The following ESF1 variants were observed in gnomAD, a reference collection of about 807,000 sequenced individuals.
The protein encoded by ESF1 is ESF1 homolog.
Under a neutral mutation model 92.0 loss-of-function variants are expected in ESF1, and 58 were observed. That is an observed-to-expected ratio of 0.63 (90% CI 0.51 to 0.78). The LOEUF is 0.78. Ranked by LOEUF, ESF1 falls within the 30% of genes least tolerant of loss-of-function variation. ESF1 has a pLI of 0.00. For synonymous variants in ESF1, 321 were observed against 313.7 expected, an observed-to-expected ratio of 1.02 and a Z score of -0.24; for missense variants, 922 against 989.1, an observed-to-expected ratio of 0.93 and a Z score of 0.91.
chr20:13,776,237 C>A lies in ESF1; in HGVS notation c.671G>T (p.Gly224Val), dbSNP rs754063885. 5.6e-6 allele frequency: 9 copies of A among 1,613,324 alleles called. No individual in the cohort carries two copies. Among genetic ancestry groups the A allele is most frequent in the Non-Finnish European group, 7.6e-6 (9 of 1,179,774 alleles). ...VQLIMTRDSD[G>V]YENSTDGEMC... is the part of the protein sequence containing the mutation. ...TTCACCATCTGTTGAGTTTTCATAA[C>A]CATCACTGTCTCTTGTCATTATGAG... is the stretch of plus-strand genomic sequence containing the variant. Residue 224 changes from glycine to valine, a missense_variant, in exon 3 of 14, where the codon GGT becomes GTT. Coordinates refer to ENST00000617257, the MANE Select transcript of ESF1 (RefSeq NM_001276380.2).
intron 13 of ESF1, among the ~76,000 whole-genome samples, chr20:13,715,929 A>C (rs370467932): frequency 6.6e-6 from 1 of 152,184 alleles, no homozygotes; most frequent in African/African-American, 2.4e-5. Context: ...TCCTGTAAAA[A>C]ATACTTTTAT....
intron 8 of ESF1, 105 bp downstream of exon 8, chr20:13,766,672 T>C (rs555811949): frequency 1.2e-5 from 14 of 1,121,330 alleles, no homozygotes; most frequent in African/African-American, 3.1e-5. Flanking sequence ...CAGGTATATA[T>C]AATACTGTGC....
chr20:13,764,187 T>C (rs1472007718), intron 8 of ESF1, among the ~76,000 whole-genome samples: 2 of 152,258 alleles, frequency 1.3e-5, no homozygotes, highest in Admixed American at 1.3e-4. Context: ...AATACTTTTA[T>C]CTATGTTTAA....
At chr20:13,744,045 G>A (rs551154674) in intron 9 of ESF1, among the ~76,000 whole-genome samples, 6 of 152,314 alleles carry the variant, frequency 3.9e-5, no homozygotes, top group South Asian at 4.1e-4. Flanking sequence ...TCTAGCTTTC[G>A]TAGTGGGTGG....
chr20:13,747,136 A>T (rs1258395341), intron 9 of ESF1, among the ~76,000 whole-genome samples: 1 of 152,152 alleles, frequency 6.6e-6, no homozygotes, highest in Non-Finnish European at 1.5e-5. Context: ...GGAATCCTTG[A>T]AACAGAGTAA....
intron 10 of ESF1, among the ~76,000 whole-genome samples, chr20:13,730,719 A>G (rs1354309569): frequency 6.9e-6 from 1 of 145,450 alleles, no homozygotes; most frequent in East Asian, 2.0e-4. Flanking sequence ...TTTTTTTTTT[A>G]CCAAACTATT....
intron 9 of ESF1, among the ~76,000 whole-genome samples, chr20:13,751,909 C>T (rs1191571550): frequency 6.6e-6 from 1 of 152,138 alleles, no homozygotes. Flanking sequence ...GCAGGAGAAC[C>T]ACTTGAACCT....
At chr20:13,781,160 T>C (rs1252770053) in intron 2 of ESF1, among the ~76,000 whole-genome samples, 1 of 152,230 alleles carries the variant, frequency 6.6e-6, no homozygotes, top group Non-Finnish European at 1.5e-5. Context: ...TTTTGTATTA[T>C]GGTTCTGACT....
At chr20:13,747,609 G>A (rs1263649488) in intron 9 of ESF1, among the ~76,000 whole-genome samples, 3 of 151,200 alleles carry the variant, frequency 2.0e-5, no homozygotes, top group East Asian at 3.9e-4. Context: ...AAAAAAAAGA[G>A]AGAGAAAATA....
chr20:13,747,218 G>A (rs1038286698), intron 9 of ESF1, among the ~76,000 whole-genome samples: 1 of 151,200 alleles, frequency 6.6e-6, no homozygotes, highest in Non-Finnish European at 1.5e-5. Flanking sequence ...TGTCCTTTAT[G>A]CAGTATTTGA....
chr20:13,783,855 G>A (rs1421777201), intron 1 of ESF1, among the ~76,000 whole-genome samples: 2 of 152,088 alleles, frequency 1.3e-5, no homozygotes, highest in Non-Finnish European at 2.9e-5. Context: ...GCCTCCGTTG[G>A]CCTCATTTGT....
At chr20:13,720,839 G>A (rs6134962) in intron 11 of ESF1, among the ~76,000 whole-genome samples, 4 of 152,060 alleles carry the variant, frequency 2.6e-5, no homozygotes, top group African/African-American at 9.7e-5. Context: ...AACAAGAAAC[G>A]GCTGGGCGCA....
At chr20:13,733,988 C>A in intron 9 of ESF1, 146 bp from the exon 10 acceptor site, 1 of 937,418 alleles carries the variant, frequency 1.1e-6, no homozygotes, top group Non-Finnish European at 1.5e-6. Context: ...TGTAATACCC[C>A]AATATCATAC....
In ESF1 at chr20:13,783,164, A is replaced by T; in HGVS notation, c.-24T>A. The T allele has an allele frequency of 1.9e-6, 3 of 1,575,998 alleles. No individual in the cohort carries two copies. The highest frequency in any genetic ancestry group is 2.6e-6 in the Non-Finnish European group (3 of 1,160,256). ...ATTTTTAATTCTTAATCTCGACCAA[A>T]TGCTTGAAGAAAACAAATACTGAAA... On this transcript the variant is annotated 5_prime_UTR_variant, in exon 2 of 14. Coordinates refer to ENST00000617257, the MANE Select transcript of ESF1 (RefSeq NM_001276380.2).
rs1247887590 is a variant in ESF1 at position 13,775,994 on chromosome 20, C to T, written c.914G>A (p.Gly305Asp). 2 of 1,613,786 alleles carry T rather than the reference C, an allele frequency of 1.2e-6. No individual in the cohort carries two copies. Among genetic ancestry groups the T allele is most frequent in the Non-Finnish European group, 1.7e-6 (2 of 1,179,922 alleles). ...AGAACTAGTTTCTATATTTCCTTTA[C>T]CCCTTGCAAGATCAGGGCCACTGTC... ...KSDSGPDLARGKGNIETSSED... is the reference protein window; with the variant it reads ...KSDSGPDLARDKGNIETSSED... The change falls in exon 3 of 14, where the codon GGT becomes GAT. Residue 305 changes from glycine (G) to aspartate (D), a missense_variant. Coordinates refer to ENST00000617257, the MANE Select transcript of ESF1 (RefSeq NM_001276380.2).
At chr20:13,770,816 A>G (rs1231853857) in intron 6 of ESF1, among the ~76,000 whole-genome samples, 2 of 152,250 alleles carry the variant, frequency 1.3e-5, no homozygotes, top group African/African-American at 2.4e-5. Flanking sequence ...GTGTTGTCCA[A>G]CAGAACTTTC....
At chr20:13,774,062 T>C in intron 4 of ESF1, among the ~76,000 whole-genome samples, 1 of 151,528 alleles carries the variant, frequency 6.6e-6, no homozygotes, top group African/African-American at 2.4e-5. Flanking sequence ...GCCACTGCAC[T>C]CCAGCCTGGG....
intron 8 of ESF1, among the ~76,000 whole-genome samples, chr20:13,763,666 T>C (rs1478128459): frequency 2.6e-5 from 4 of 152,060 alleles, no homozygotes; most frequent in Non-Finnish European, 4.4e-5. Flanking sequence ...AGAGGAAAAT[T>C]GAAAAAAGGA....
intron 5 of ESF1, 112 bp downstream of exon 5, chr20:13,772,403 C>G (rs1979729276): frequency 1.3e-6 from 1 of 751,984 alleles, no homozygotes; most frequent in Middle Eastern, 4.0e-4. Flanking sequence ...CCTGTTTTAA[C>G]CACGAATGGC....
Sources: allele counts gnomAD v4.1 joint callset (sites outside exome capture counted in the v4.1 genomes callset), GRCh38; gene constraint gnomAD v4.1.1; transcripts MANE v1.5; gene names NCBI Gene and HGNC (gene_info 2026-07-23, HGNC 2026-07-21).